KIF21B: variants seen among roughly 807,000 people sequenced by gnomAD.
KIF21B encodes kinesin-like protein KIF21B.
KIF21B carries 85 observed loss-of-function variants against 192.9 expected under a neutral mutation model. The ratio of observed to expected loss-of-function variants is 0.44; its 90% CI spans 0.37 to 0.53. The LOEUF (loss-of-function observed/expected upper bound fraction) is 0.53. Ranked by LOEUF, KIF21B falls within the 20% of genes least tolerant of loss-of-function variation. KIF21B has a pLI of 0.00. For missense variants in KIF21B, 1,716 were observed against 2,194.8 expected, an observed-to-expected ratio of 0.78 and a Z score of 4.36; for synonymous variants, 832 against 884.6, an observed-to-expected ratio of 0.94 and a Z score of 1.05.
At position 201,007,206 on chromosome 1, in the gene KIF21B, A is replaced by ACG. The variant is rs1361577164; in HGVS notation, c.448-1513_448-1512insCG. Among the ~76,000 whole-genome samples, 42 of 149,502 alleles carry ACG rather than the reference A, an allele frequency of 2.8e-4. 2 individuals carry two copies. Among genetic ancestry groups the ACG allele is most frequent in the African/African-American group, 9.0e-4 (36 of 39,824 alleles). ...CAGACACAGAGACACACAGACACAC[A>ACG]CACACACAGAGACAGACACACACAG... On this transcript the variant is annotated intron_variant, in intron 3 of 34. Coordinates refer to ENST00000461742, the MANE Select transcript of KIF21B (RefSeq NM_001252102.2).
Position 201,000,620 on chromosome 1 carries a change from G to A in KIF21B, c.1467-12C>T. On this transcript the variant is annotated splice_polypyrimidine_tract_variant and intron_variant, in intron 10 of 34. Transcript: ENST00000461742. The surrounding 1 kb of genome is among the most constrained non-coding windows in gnomAD (Gnocchi z 6.0). Reference sequence around the variant, plus strand: ...CTAGAAGCTTAGTCCTGCACAGGAAGAACGAGTGGACGGGGCCGAGTGAGC... The same window carrying A: ...CTAGAAGCTTAGTCCTGCACAGGAAAAACGAGTGGACGGGGCCGAGTGAGC... 1 of 1,613,390 alleles carries A rather than the reference G, an allele frequency of 6.2e-7. No homozygotes were observed. The highest frequency in any genetic ancestry group is 8.5e-7 in the Non-Finnish European group (1 of 1,179,838).
chr1:200,985,804 C>T (rs1656253806), intron 26 of KIF21B, among the ~76,000 whole-genome samples: 1 of 101,996 alleles, frequency 9.8e-6, no homozygotes, highest in Non-Finnish European at 2.0e-5. Context: ...CCCCTCCCCT[C>T]CCCTCCCTTC....
chr1:200,987,453 A>T (rs143181524), intron 24 of KIF21B, among the ~76,000 whole-genome samples: 1 of 152,046 alleles, frequency 6.6e-6, no homozygotes, highest in Non-Finnish European at 1.5e-5. Context: ...CATGTTGTCC[A>T]GGCTGGTCTT....
chr1:201,000,720 A>T lies in KIF21B; in HGVS notation c.1463T>A (p.Leu488Gln), dbSNP rs1196100059. ...IQNYIREIEE[L>Q]RTKLLESEAM... is the part of the protein sequence containing the mutation. ...CTGCCGGAGCTCACTCACTCACCGTAGCTCCTCGATCTCCCGGATGTAGTT... is the reference window on the plus strand; with the variant it reads ...CTGCCGGAGCTCACTCACTCACCGTTGCTCCTCGATCTCCCGGATGTAGTT... The change falls in exon 10 of 35, where the codon CTA becomes CAA. Residue 488 changes from leucine (L) to glutamine (Q), a missense_variant. By Grantham distance (113) the Leu-to-Gln change is moderately radical. Around this residue, in one of 3 missense-constraint regions of KIF21B, gnomAD observed 1,087 missense variants for 1,316.6 expected, o/e 0.83. Transcript: ENST00000461742. This position sits in a 1 kb window ranked among gnomAD's most constrained non-coding sequence, Gnocchi z 6.0. 6.2e-7 allele frequency: 1 copy of T among 1,614,216 alleles called. No homozygotes were observed.
At chr1:200,988,433 T>A (rs1230609584) in intron 23 of KIF21B, 60 bp downstream of exon 23, 17 of 1,610,196 alleles carry the variant, frequency 1.1e-5, no homozygotes, top group Non-Finnish European at 1.4e-5. Context: ...TGGCAACTCC[T>A]CCCACCAGCC....
At position 200,977,664 on chromosome 1, in the gene KIF21B, C is replaced by T. The variant is rs184415590; in HGVS notation, c.4161-288G>A. 6.0e-4 allele frequency among the ~76,000 whole-genome samples: 89 copies of T among 149,338 alleles called. 2 individuals carry two copies. The East Asian group carries it at 0.013, about 21-fold the overall frequency. ...AGAGTGGGTGTGAACATGGATCTTC[C>T]GGAAATCAACCTCTCTGAGTCTCGG... On this transcript the variant is annotated intron_variant, in intron 30 of 34. Coordinates refer to ENST00000461742, the MANE Select transcript of KIF21B (RefSeq NM_001252102.2).
At chr1:200,978,357 T>C (rs1448692615) in intron 30 of KIF21B, among the ~76,000 whole-genome samples, 1 of 147,594 alleles carries the variant, frequency 6.8e-6, no homozygotes, top group African/African-American at 2.5e-5. Flanking sequence ...CCTTGTTTAC[T>C]TTTTTTTTTT....
Position 201,008,800 on chromosome 1 carries a change from G to C in KIF21B, c.416C>G (p.Pro139Arg), listed in dbSNP as rs1658062194. 1 of 1,603,732 alleles carries C rather than the reference G, an allele frequency of 6.2e-7. No homozygotes were observed. The highest frequency in any genetic ancestry group is 2.2e-5 in the East Asian group (1 of 44,876). The change falls in exon 3 of 35, where the codon CCT (proline) becomes CGT (arginine). Residue 139 changes from proline to arginine, a missense_variant. Physicochemically the swap from Pro to Arg is moderately radical, Grantham distance 103 (BLOSUM62 -2). This residue lies in a region of KIF21B where 1,087 missense variants were observed against 1,316.6 expected (regional missense o/e 0.83). Transcript: ENST00000461742. ...AAACTGGGCGCTGACTTTGAACTCA[G>C]GTCCAGCCACGCCCTGCTCCTGTGC... ...RRAQEQGVAGPEFKVSAQFLE... is the reference protein window; with the variant it reads ...RRAQEQGVAGREFKVSAQFLE...
rs200570033 is a variant in KIF21B at position 200,974,166 on chromosome 1, C to T, written c.4814+548G>A. On this transcript the variant is annotated intron_variant, in intron 34 of 34. Coordinates refer to ENST00000461742, the MANE Select transcript of KIF21B (RefSeq NM_001252102.2). ...GGAAGGCAGGGGGTGAGTCCAGGGA[C>T]GTAATTCCACAACTTTACCCGGCAG... 3.1e-5 allele frequency: 48 copies of T among 1,571,062 alleles called. 1 individual carries two copies. Among genetic ancestry groups the T allele is most frequent in the Middle Eastern group, 3.9e-4 (2 of 5,132 alleles).
intron 1 of KIF21B, among the ~76,000 whole-genome samples, chr1:201,021,958 C>T (rs1438903625): frequency 6.6e-6 from 1 of 152,220 alleles, no homozygotes; most frequent in African/African-American, 2.4e-5. Context: ...AGCAGCCTGG[C>T]CCCGCCCCAG....
chr1:200,992,209 G>T, intron 16 of KIF21B, 73 bp downstream of exon 16: 1 of 1,389,860 alleles, frequency 7.2e-7, no homozygotes, highest in Admixed American at 1.7e-5. Context: ...GTCAGGAGGG[G>T]CAGCCAGGTG....
chr1:200,974,858 C>T lies in KIF21B; in HGVS notation c.4670G>A (p.Arg1557His), dbSNP rs772370328. The change falls in exon 34 of 35, where the codon CGC (arginine) becomes CAC (histidine). Residue 1557 changes from arginine (R) to histidine (H), a missense_variant. Around this residue, in one of 3 missense-constraint regions of KIF21B, gnomAD observed 580 missense variants for 775.5 expected, o/e 0.75. Coordinates refer to ENST00000461742, the MANE Select transcript of KIF21B (RefSeq NM_001252102.2). ...WVCALAFIPG[R>H]PMLLSACRAG... is the part of the protein sequence containing the mutation. ...ACGGCAGGCGCTGAGCAGCATGGGG[C>T]GGCCCGGGATGAAGGCCAGGGCGCA... 14 of 1,614,044 alleles carry T rather than the reference C, an allele frequency of 8.7e-6. No individual in the cohort carries two copies. The highest frequency in any genetic ancestry group is 5.0e-5 in the Admixed American group (3 of 60,004).
chr1:201,005,917 A>T (rs1657792950), intron 3 of KIF21B, among the ~76,000 whole-genome samples: 1 of 152,124 alleles, frequency 6.6e-6, no homozygotes, highest in African/African-American at 2.4e-5. Context: ...TTCCCTAAGG[A>T]ACCAGCAGCC....
intron 30 of KIF21B, among the ~76,000 whole-genome samples, chr1:200,977,860 G>A (rs1389599912): frequency 2.7e-5 from 4 of 150,508 alleles, no homozygotes; most frequent in East Asian, 1.9e-4. Flanking sequence ...TCACCCTCCC[G>A]AGTAGCTGGG....
intron 3 of KIF21B, among the ~76,000 whole-genome samples, chr1:201,006,889 TAGAC>T (rs1657858791): frequency 1.6e-5 from 1 of 61,670 alleles, no homozygotes; most frequent in Non-Finnish European, 3.5e-5. Flanking sequence ...CAGAGACACA[TAGAC>T]ACACACACAC....
In KIF21B at chr1:201,000,789, G is replaced by C; in HGVS notation, c.1403-9C>G. On this transcript the variant is annotated splice_polypyrimidine_tract_variant and intron_variant, in intron 9 of 34. Transcript: ENST00000461742. This position sits in a 1 kb window ranked among gnomAD's most constrained non-coding sequence, Gnocchi z 6.0. The stretch of plus-strand genomic sequence containing the variant: ...GGCCTCATTGCCATCGCCTGGAGTG[G>C]GACGGCGGGAAGAAGGGTGCGATAA... 6.2e-7 allele frequency: 1 copy of C among 1,614,084 alleles called. No homozygotes were observed. The highest frequency in any genetic ancestry group is 1.3e-5 in the African/African-American group (1 of 75,058).
chr1:200,983,289 T>C (rs1656067334), intron 27 of KIF21B, among the ~76,000 whole-genome samples, 195 bp from the exon 28 acceptor site: 1 of 151,362 alleles, frequency 6.6e-6, no homozygotes, highest in African/African-American at 2.4e-5. Flanking sequence ...GCTGGGACTC[T>C]CCCCCAGGAG....
chr1:201,018,001 C>A (rs948980592), intron 1 of KIF21B, among the ~76,000 whole-genome samples: 2 of 152,178 alleles, frequency 1.3e-5, no homozygotes, highest in African/African-American at 2.4e-5. Flanking sequence ...CCGTTCCAGT[C>A]CAGCTTCCCT....
In KIF21B at chr1:200,973,134, C is replaced by T. The variant is rs548604308; in HGVS notation, c.*387G>A. 10 of 192,452 alleles carry T rather than the reference C, an allele frequency of 5.2e-5. No homozygotes were observed. Among genetic ancestry groups the T allele is most frequent in the South Asian group, 1.9e-4 (1 of 5,320 alleles). The allele number at this position is 192,452 out of a possible 1,614,324, so 11.9% of individuals were successfully genotyped here. A position where few individuals can be genotyped will look rare whatever the true frequency, so the allele number is the denominator to read the frequency against. On this transcript the variant is annotated 3_prime_UTR_variant, in exon 35 of 35. Transcript: ENST00000461742. ...GGGAGAAGCGGGGAGGCCAGCTCCTCGGAAGGGTGGGATGGGGCCAGGCTG... is the reference window on the plus strand; with the variant it reads ...GGGAGAAGCGGGGAGGCCAGCTCCTTGGAAGGGTGGGATGGGGCCAGGCTG...
Sources: allele counts gnomAD v4.1 joint callset (sites outside exome capture counted in the v4.1 genomes callset), GRCh38; gene constraint gnomAD v4.1.1; regional missense constraint gnomAD v4.1.1; non-coding constraint Gnocchi (gnomAD v3.1); transcripts MANE v1.5; gene names NCBI Gene and HGNC (gene_info 2026-07-23, HGNC 2026-07-21).